The following GHR variants were observed in gnomAD, a reference collection of about 807,000 sequenced individuals.
GHR encodes growth hormone receptor, also known as GH receptor.
In GHR, 35 loss-of-function variants were observed where a neutral mutation model predicts 67.1. That is an observed-to-expected ratio of 0.52 (90% CI 0.40 to 0.69). The LOEUF is 0.69. Ranked by LOEUF, GHR falls within the 30% of genes least tolerant of loss-of-function variation. The pLI is 0.00. For synonymous variants in GHR, 272 were observed against 269.1 expected, an observed-to-expected ratio of 1.01 and a Z score of -0.10; for missense variants, 792 against 764.6, an observed-to-expected ratio of 1.04 and a Z score of -0.42.
chr5:42,492,614 C>T (rs1746161237), intron 1 of GHR, among the ~76,000 whole-genome samples: 3 of 152,122 alleles, frequency 2.0e-5, no homozygotes, highest in Admixed American at 2.0e-4. Flanking sequence ...AAGTAATTAA[C>T]TAGTGGTAGA....
At chr5:42,532,348 TGATA>T (rs35216564) in intron 1 of GHR, among the ~76,000 whole-genome samples, 28,991 of 151,236 alleles carry the variant, frequency 0.19, 2,989 homozygotes, top group Non-Finnish European at 0.21. Flanking sequence ...TTGATATAGA[TGATA>T]GATAGATAGA....
chr5:42,687,766 G>A (rs975973418), intron 3 of GHR, among the ~76,000 whole-genome samples: 1 of 152,106 alleles, frequency 6.6e-6, no homozygotes, highest in Admixed American at 6.6e-5. Context: ...TTAAGATTGA[G>A]AGCCTCCCTG....
At chr5:42,690,868 T>C (rs1464988681) in intron 4 of GHR, among the ~76,000 whole-genome samples, 1 of 152,172 alleles carries the variant, frequency 6.6e-6, no homozygotes, top group Non-Finnish European at 1.5e-5. Flanking sequence ...ACTTTTGAAA[T>C]GTGTGGAATC....
At chr5:42,586,388 G>T (rs931978556) in intron 2 of GHR, among the ~76,000 whole-genome samples, 1 of 152,124 alleles carries the variant, frequency 6.6e-6, no homozygotes, top group Non-Finnish European at 1.5e-5. Flanking sequence ...TGGGCTTTAT[G>T]GCAAGAAAAA....
At chr5:42,505,281 T>C (rs576099090) in intron 1 of GHR, among the ~76,000 whole-genome samples, 27 of 152,156 alleles carry the variant, frequency 1.8e-4, no homozygotes, top group Non-Finnish European at 2.8e-4. Context: ...GGAGAATTTC[T>C]GTTTGAGCCC....
intron 1 of GHR, among the ~76,000 whole-genome samples, chr5:42,507,522 G>A (rs1263452431): frequency 6.6e-6 from 1 of 152,178 alleles, no homozygotes; most frequent in Non-Finnish European, 1.5e-5. Context: ...AATTACACAT[G>A]GTGGAATTCA....
chr5:42,550,139 T>G (rs577022000), intron 1 of GHR: 245 of 909,130 alleles, frequency 2.7e-4, no homozygotes, highest in Non-Finnish European at 3.0e-4. Context: ...TCTTGCTACT[T>G]GAAGTGCTTC....
intron 2 of GHR, among the ~76,000 whole-genome samples, chr5:42,589,723 T>G (rs1243618638): frequency 6.6e-6 from 1 of 152,240 alleles, no homozygotes; most frequent in African/African-American, 2.4e-5. Flanking sequence ...ATTGACAGGT[T>G]TCCATGCATG....
At chr5:42,706,966 T>C (rs1169911833) in intron 6 of GHR, among the ~76,000 whole-genome samples, 1 of 151,880 alleles carries the variant, frequency 6.6e-6, no homozygotes, top group Non-Finnish European at 1.5e-5. Flanking sequence ...AATGTGTAGA[T>C]TGGCTTGGGC....
At chr5:42,561,159 T>G (rs755696305) in intron 1 of GHR, among the ~76,000 whole-genome samples, 1 of 152,190 alleles carries the variant, frequency 6.6e-6, no homozygotes, top group Non-Finnish European at 1.5e-5. Flanking sequence ...CACCACAGTT[T>G]CTCTCCCTTT....
chr5:42,681,427 A>C lies in GHR; in HGVS notation c.137-7463A>C, dbSNP rs996632573. Among the ~76,000 whole-genome samples, 3 of 152,208 alleles carry C rather than the reference A, an allele frequency of 2.0e-5. No homozygotes were observed. In the East Asian group the frequency reaches 5.8e-4, roughly 29 times the overall value. On this transcript the variant is annotated intron_variant, in intron 3 of 9. Transcript: ENST00000230882. ...AATGAGATACCATTTCACACCAGTT[A>C]GAATGGCGATCGTTAAAAAGTCAGG...
intron 1 of GHR, among the ~76,000 whole-genome samples, chr5:42,439,585 A>T (rs1015312426): frequency 6.6e-6 from 1 of 152,236 alleles, no homozygotes; most frequent in Non-Finnish European, 1.5e-5. Flanking sequence ...AGTACTGTAA[A>T]TTTATCTAAA....
intron 1 of GHR, among the ~76,000 whole-genome samples, chr5:42,496,575 C>T (rs1055018708): frequency 3.3e-5 from 5 of 152,002 alleles, no homozygotes; most frequent in African/African-American, 1.2e-4. Context: ...TGGCTTATGA[C>T]GTTTATAAGT....
In GHR at chr5:42,548,687, G is replaced by T. The variant is rs1441759207; in HGVS notation, c.-11-17177G>T. On this transcript the variant is annotated intron_variant, in intron 1 of 9. Coordinates refer to ENST00000230882, the MANE Select transcript of GHR (RefSeq NM_000163.5). ...CCCACTTCGTTCTTCCCTCTTCTGGGTTAATTTCTCATTGTTCTCTCTTCC... is the reference window on the plus strand; with the variant it reads ...CCCACTTCGTTCTTCCCTCTTCTGGTTTAATTTCTCATTGTTCTCTCTTCC... Among the ~76,000 whole-genome samples, 7 of 152,030 alleles carry T rather than the reference G, an allele frequency of 4.6e-5. No homozygotes were observed. The East Asian group carries it at 7.7e-4, about 17-fold the overall frequency.
intron 1 of GHR, among the ~76,000 whole-genome samples, chr5:42,502,816 TATTA>T (rs1190856476): frequency 6.7e-6 from 1 of 148,162 alleles, no homozygotes; most frequent in African/African-American, 2.4e-5. Context: ...TTTATTAATT[TATTA>T]ATTATAATTA....
chr5:42,454,202 A>C (rs1243035794), intron 1 of GHR, among the ~76,000 whole-genome samples: 5 of 152,196 alleles, frequency 3.3e-5, no homozygotes, highest in South Asian at 2.1e-4. Context: ...TGGAGGTGAC[A>C]GGATAGGGAT....
At chr5:42,509,607 A>C (rs1340832299) in intron 1 of GHR, among the ~76,000 whole-genome samples, 1 of 152,152 alleles carries the variant, frequency 6.6e-6, no homozygotes, top group Non-Finnish European at 1.5e-5. Flanking sequence ...TGCATATTCA[A>C]GGACATTAGC....
At chr5:42,574,973 A>C (rs1750568552) in intron 2 of GHR, among the ~76,000 whole-genome samples, 1 of 152,160 alleles carries the variant, frequency 6.6e-6, no homozygotes, top group African/African-American at 2.4e-5. Flanking sequence ...TACTATATAA[A>C]TTACTGATTT....
chr5:42,688,817 T>C (rs1757281179), intron 3 of GHR, 73 bp from the exon 4 acceptor site: 3 of 1,350,506 alleles, frequency 2.2e-6, no homozygotes, highest in Non-Finnish European at 2.1e-6. Context: ...TCACACACTT[T>C]AGATACGTGT....
Sources: allele counts gnomAD v4.1 joint callset (sites outside exome capture counted in the v4.1 genomes callset), GRCh38; gene constraint gnomAD v4.1.1; transcripts MANE v1.5; gene names NCBI Gene and HGNC (gene_info 2026-07-23, HGNC 2026-07-21).